The following ASTN2 variants were observed in gnomAD, a reference collection of about 807,000 sequenced individuals.
ASTN2 encodes the protein astrotactin 2, also known as astrotactin-2.
Under a neutral mutation model 139.8 loss-of-function variants are expected in ASTN2, and 54 were observed. The observed-to-expected ratio is 0.39, with a 90% CI of 0.31 to 0.48. ASTN2 has a LOEUF of 0.48. Ranked by LOEUF, ASTN2 falls within the 20% of genes least tolerant of loss-of-function variation. The pLI, the probability that ASTN2 is intolerant of heterozygous loss-of-function variation, is 0.95. For missense variants in ASTN2, 1,565 were observed against 1,725.1 expected, an observed-to-expected ratio of 0.91 and a Z score of 1.64; for synonymous variants, 756 against 719.5, an observed-to-expected ratio of 1.05 and a Z score of -0.81.
At chr9:116,901,873 C>G (rs1259346433) in intron 10 of ASTN2, among the ~76,000 whole-genome samples, 1 of 152,054 alleles carries the variant, frequency 6.6e-6, no homozygotes, top group African/African-American at 2.4e-5. Context: ...ATTGAAAATA[C>G]AAAAATTAGC....
In ASTN2 at chr9:116,630,616, TA is replaced by T. The variant is rs113197859; in HGVS notation, c.3073-10174del. On this transcript the variant is annotated intron_variant, in intron 17 of 22. Coordinates refer to ENST00000313400, the MANE Select transcript of ASTN2 (RefSeq NM_001365068.1). ...TTGCGACAACCAAATAATGACTTAA[TA>T]AAAAAAAATAGATTCATGTTGGTCT... Among the ~76,000 whole-genome samples, 34 of 151,184 alleles carry T rather than the reference TA, an allele frequency of 2.2e-4. No homozygotes were observed. The East Asian group carries it at 5.2e-3, about 23-fold the overall frequency.
chr9:117,413,846 G>A (rs1334288806), intron 1 of ASTN2, among the ~76,000 whole-genome samples: 1 of 151,834 alleles, frequency 6.6e-6, no homozygotes, highest in Non-Finnish European at 1.5e-5. Flanking sequence ...TCTAAACGTG[G>A]AGACCTCGGA....
chr9:116,626,470 A>G (rs781237919), intron 17 of ASTN2, among the ~76,000 whole-genome samples: 1 of 151,966 alleles, frequency 6.6e-6, no homozygotes, highest in African/African-American at 2.4e-5. Context: ...TGTGTACTTG[A>G]TATTATTGTG....
chr9:116,460,019 T>G (rs755867634), intron 20 of ASTN2, among the ~76,000 whole-genome samples: 4 of 152,120 alleles, frequency 2.6e-5, no homozygotes, highest in Non-Finnish European at 5.9e-5. Context: ...CATCAACTGA[T>G]GAATGAATAA....
intron 10 of ASTN2, among the ~76,000 whole-genome samples, chr9:116,871,211 T>G (rs1833156582): frequency 1.3e-5 from 2 of 152,136 alleles, no homozygotes; most frequent in Non-Finnish European, 2.9e-5. Context: ...TGAGCCGAGA[T>G]CGTGCCACGG....
In ASTN2 at chr9:117,299,459, G is replaced by A. The variant is rs1432343168; in HGVS notation, c.443-7946C>T. On this transcript the variant is annotated intron_variant, in intron 1 of 22. Coordinates refer to ENST00000313400, the MANE Select transcript of ASTN2 (RefSeq NM_001365068.1). Reference sequence around the variant, plus strand: ...CTGGCTGGATCTAAAAACTCTTCATGGAGGAGTCTCAAAGAATTGGCAAGA... The same window carrying A: ...CTGGCTGGATCTAAAAACTCTTCATAGAGGAGTCTCAAAGAATTGGCAAGA... Among the ~76,000 whole-genome samples the A allele has an allele frequency of 2.0e-5, 3 of 152,160 alleles. No homozygotes were observed. The East Asian group carries it at 5.8e-4, about 29-fold the overall frequency.
chr9:117,055,415 G>C (rs900281169), intron 5 of ASTN2, among the ~76,000 whole-genome samples: 1 of 152,138 alleles, frequency 6.6e-6, no homozygotes, highest in Non-Finnish European at 1.5e-5. Context: ...CCAGGAATTT[G>C]AGATCAACCT....
chr9:117,214,373 C>T lies in ASTN2; in HGVS notation c.1000G>A (p.Asp334Asn). Residue 334 changes from aspartate (D) to asparagine (N), a missense_variant, in exon 3 of 23, where the codon GAC (aspartate) becomes AAC (asparagine). Physicochemically the swap from Asp to Asn is conservative, Grantham distance 23. Transcript: ENST00000313400. ...SLGHPGEEKVDFEKKAAAEAT... is the reference protein window; with the variant it reads ...SLGHPGEEKVNFEKKAAAEAT... The stretch of plus-strand genomic sequence containing the variant: ...GAGGACTCACCTTTCTTCTCAAAGT[C>T]CACCTTCTCTTCCCCTGGATGTCCC... The T allele has an allele frequency of 6.3e-7, 1 of 1,588,676 alleles. No homozygotes were observed. Among genetic ancestry groups the T allele is most frequent in the Non-Finnish European group, 8.6e-7 (1 of 1,160,084 alleles).
At chr9:117,388,187 ACT>A (rs1001740476) in intron 1 of ASTN2, among the ~76,000 whole-genome samples, 42 of 152,278 alleles carry the variant, frequency 2.8e-4, no homozygotes, top group Admixed American at 2.5e-3. Flanking sequence ...GCAAATGAGA[ACT>A]CTGAGGTCCT....
intron 1 of ASTN2, among the ~76,000 whole-genome samples, chr9:117,405,649 G>C (rs1830962059): frequency 6.6e-6 from 1 of 152,086 alleles, no homozygotes; most frequent in Admixed American, 6.5e-5. Flanking sequence ...CACAGGCTTG[G>C]TGACCTTGAT....
At chr9:116,771,714 G>A (rs765386840) in intron 13 of ASTN2, among the ~76,000 whole-genome samples, 21 of 152,172 alleles carry the variant, frequency 1.4e-4, no homozygotes, top group Non-Finnish European at 2.5e-4. Context: ...TTCAATTAAA[G>A]GGCAAGAGGC....
At chr9:117,034,010 G>A (rs1321195081) in intron 6 of ASTN2, among the ~76,000 whole-genome samples, 4 of 152,070 alleles carry the variant, frequency 2.6e-5, no homozygotes, top group Admixed American at 2.0e-4. Flanking sequence ...GAGGTCATTA[G>A]GTATCTACAG....
chr9:116,700,608 A>G (rs996424410), intron 16 of ASTN2: 1 of 166,970 alleles, frequency 6.0e-6, no homozygotes, highest in African/African-American at 2.4e-5. Context: ...AGGTGGACAC[A>G]TTTTCATGTT....
intron 1 of ASTN2, among the ~76,000 whole-genome samples, chr9:117,359,631 G>C (rs2130893237): frequency 6.6e-6 from 1 of 152,312 alleles, no homozygotes; most frequent in Admixed American, 6.5e-5. Context: ...GTGGGTGCCT[G>C]TCTGGTTATG....
chr9:116,977,231 C>G (rs1348801269), intron 7 of ASTN2, among the ~76,000 whole-genome samples: 1 of 152,174 alleles, frequency 6.6e-6, no homozygotes, highest in East Asian at 1.9e-4. Flanking sequence ...CCATAAATCC[C>G]AAGTTAAATG....
intron 19 of ASTN2, among the ~76,000 whole-genome samples, chr9:116,567,631 A>C (rs1166481322): frequency 6.6e-6 from 1 of 152,174 alleles, no homozygotes; most frequent in African/African-American, 2.4e-5. Flanking sequence ...GGATTGAAGG[A>C]GTGAAGGCAG....
chr9:117,389,033 T>C (rs181781589), intron 1 of ASTN2, among the ~76,000 whole-genome samples: 71 of 152,326 alleles, frequency 4.7e-4, no homozygotes, highest in Admixed American at 2.2e-3. Flanking sequence ...GCTACTCCAA[T>C]AGTATGCGTG....
intron 1 of ASTN2, among the ~76,000 whole-genome samples, chr9:117,402,650 T>C (rs1057083798): frequency 3.9e-5 from 6 of 152,250 alleles, no homozygotes; most frequent in African/African-American, 9.6e-5. Flanking sequence ...ATTTTTAGTA[T>C]AAGTATGTCC....
intron 13 of ASTN2, among the ~76,000 whole-genome samples, chr9:116,793,470 T>G (rs1023959789): frequency 2.0e-5 from 3 of 152,168 alleles, no homozygotes; most frequent in African/African-American, 7.2e-5. Flanking sequence ...CTATAAACAT[T>G]GATAGCTCTC....
Sources: gnomAD v4.1 joint callset for allele counts (sites outside exome capture counted in the v4.1 genomes callset) on GRCh38, gnomAD v4.1.1 for gene constraint, MANE v1.5 for transcripts, NCBI Gene and HGNC (gene_info 2026-07-23, HGNC 2026-07-21) for gene names.